The following PACRG variants were observed in gnomAD, a reference collection of about 807,000 sequenced individuals.
PACRG encodes parkin coregulated gene protein.
PACRG carries 29 observed loss-of-function variants against 29.7 expected under a neutral mutation model. The ratio of observed to expected loss-of-function variants is 0.98; its 90% CI spans 0.73 to 1.33. PACRG has a LOEUF of 1.33. Among genes scored for constraint, PACRG ranks in the 40% most tolerant of loss-of-function variants. PACRG has a pLI of 0.00. For missense variants in PACRG, 279 were observed against 316.2 expected, an observed-to-expected ratio of 0.88 and a Z score of 0.89; for synonymous variants, 116 against 118.7, an observed-to-expected ratio of 0.98 and a Z score of 0.15.
chr6:162,881,402 C>T (rs987777511), intron 2 of PACRG, among the ~76,000 whole-genome samples: 13 of 152,040 alleles, frequency 8.6e-5, no homozygotes, highest in African/African-American at 2.7e-4. Context: ...GTCCCCAATC[C>T]GGTGGGAAAT....
At chr6:163,137,278 C>T (rs1198669027) in intron 4 of PACRG, among the ~76,000 whole-genome samples, 4 of 152,062 alleles carry the variant, frequency 2.6e-5, no homozygotes, top group Non-Finnish European at 5.9e-5. Context: ...TAAATTTCAT[C>T]ATTATCCATG....
chr6:162,798,290 G>T (rs753137906), intron 1 of PACRG, among the ~76,000 whole-genome samples: 1 of 152,168 alleles, frequency 6.6e-6, no homozygotes, highest in African/African-American at 2.4e-5. Context: ...ACAAATGGAT[G>T]TGAAGGGACT....
chr6:162,911,849 G>A (rs1796325402), intron 2 of PACRG, among the ~76,000 whole-genome samples: 1 of 152,186 alleles, frequency 6.6e-6, no homozygotes, highest in Non-Finnish European at 1.5e-5. Context: ...TGATAGGAGG[G>A]AAAGATTCCT....
intron 4 of PACRG, among the ~76,000 whole-genome samples, chr6:163,136,577 T>G (rs1159315591): frequency 6.6e-6 from 1 of 152,240 alleles, no homozygotes; most frequent in Non-Finnish European, 1.5e-5. Flanking sequence ...CCATAAAGAT[T>G]TGCACAGCTT....
chr6:162,922,677 C>G (rs1514331), intron 2 of PACRG, among the ~76,000 whole-genome samples: 84,151 of 151,734 alleles, frequency 0.55, 23,821 homozygotes, highest in Middle Eastern at 0.72. Flanking sequence ...ATTTATCTTT[C>G]TGTGCATGAC....
At chr6:163,308,618 G>A (rs1785280209) in intron 4 of PACRG, among the ~76,000 whole-genome samples, 2 of 148,876 alleles carry the variant, frequency 1.3e-5, no homozygotes. Context: ...GTGAGCCAAG[G>A]TTGCACCACT....
chr6:162,971,782 C>T (rs117905215), intron 2 of PACRG, among the ~76,000 whole-genome samples: 2,155 of 152,284 alleles, frequency 0.014, 24 homozygotes, highest in Non-Finnish European at 0.022. Context: ...AGGATCTCTG[C>T]GATCAAGCCC....
intron 1 of PACRG, among the ~76,000 whole-genome samples, chr6:162,799,557 C>G (rs1402365322): frequency 6.6e-6 from 1 of 151,800 alleles, no homozygotes; most frequent in Non-Finnish European, 1.5e-5. Flanking sequence ...TATTTCATAG[C>G]TCTGTAAATT....
intron 2 of PACRG, among the ~76,000 whole-genome samples, chr6:162,957,899 T>C (rs748365190): frequency 6.6e-6 from 1 of 152,214 alleles, no homozygotes; most frequent in Non-Finnish European, 1.5e-5. Flanking sequence ...AGGCCAGGTA[T>C]GTTACTTTGG....
chr6:163,241,492 G>A (rs1562334565), intron 4 of PACRG, among the ~76,000 whole-genome samples: 1 of 152,208 alleles, frequency 6.6e-6, no homozygotes. Flanking sequence ...CCAGGCTCCA[G>A]GAGCCCTCAT....
chr6:163,003,332 T>C (rs560254286), intron 2 of PACRG, among the ~76,000 whole-genome samples: 26 of 152,226 alleles, frequency 1.7e-4, no homozygotes, highest in Non-Finnish European at 3.5e-4. Flanking sequence ...CCATAAAGCT[T>C]GCTTCAATAA....
chr6:163,222,770 T>A (rs116124211), intron 4 of PACRG, among the ~76,000 whole-genome samples: 7 of 152,170 alleles, frequency 4.6e-5, no homozygotes. Flanking sequence ...GAACCCAATA[T>A]TGACATCAGA....
intron 1 of PACRG, among the ~76,000 whole-genome samples, chr6:162,778,758 G>A (rs1364274652): frequency 6.6e-6 from 1 of 152,218 alleles, no homozygotes; most frequent in African/African-American, 2.4e-5. Flanking sequence ...TCCTAATACA[G>A]ACCGGCAGGT....
intron 4 of PACRG, among the ~76,000 whole-genome samples, chr6:163,277,466 GGTGTGTGTGTATGTGTGTATATATATATA>G (rs1562354598): frequency 7.6e-6 from 1 of 132,206 alleles, no homozygotes; most frequent in African/African-American, 3.0e-5. Flanking sequence ...AGTATCTCAT[GGTGTGTGTGTATGTGTGTATATATATATA>G]CACACATACA....
chr6:163,101,739 G>C (rs73786964), intron 4 of PACRG, among the ~76,000 whole-genome samples: 1 of 152,110 alleles, frequency 6.6e-6, no homozygotes. Context: ...AGCCACTGGC[G>C]GTGTGGAACA....
At chr6:162,730,599 TGCAAGCA>T (rs1779688340) in intron 1 of PACRG, among the ~76,000 whole-genome samples, 1 of 152,164 alleles carries the variant, frequency 6.6e-6, no homozygotes, top group Non-Finnish European at 1.5e-5. Flanking sequence ...AAATGGGCTG[TGCAAGCA>T]GAAATGCTTA....
intron 2 of PACRG, among the ~76,000 whole-genome samples, chr6:163,018,219 A>T (rs773491737): frequency 3.3e-5 from 5 of 151,848 alleles, no homozygotes; most frequent in Non-Finnish European, 7.4e-5. Context: ...ATGTTTTCCT[A>T]CTCTCCTACC....
chr6:162,925,136 G>C (rs1260486637), intron 2 of PACRG, among the ~76,000 whole-genome samples: 3 of 152,060 alleles, frequency 2.0e-5, no homozygotes, highest in African/African-American at 7.2e-5. Context: ...TCCTTGAATA[G>C]ACCAATAACA....
At chr6:162,989,036 C>T (rs1371178423) in intron 2 of PACRG, among the ~76,000 whole-genome samples, 1 of 152,020 alleles carries the variant, frequency 6.6e-6, no homozygotes, top group East Asian at 1.9e-4. Flanking sequence ...TTTAAATAGC[C>T]CAATCAAGAA....
Sources: allele counts gnomAD v4.1 joint callset (sites outside exome capture counted in the v4.1 genomes callset), GRCh38; gene constraint gnomAD v4.1.1; transcripts MANE v1.5; gene names NCBI Gene and HGNC (gene_info 2026-07-23, HGNC 2026-07-21).